The following ZNF407 variants were observed in gnomAD, a reference collection of about 807,000 sequenced individuals.
ZNF407 encodes the protein zinc finger protein 407.
In ZNF407, 17 loss-of-function variants were observed where a neutral mutation model predicts 131.2. The observed-to-expected ratio is 0.13, with a 90% CI of 0.09 to 0.19. The LOEUF (loss-of-function observed/expected upper bound fraction) is 0.19. Ranked by LOEUF, ZNF407 falls within the 10% of genes least tolerant of loss-of-function variation. The pLI is 1.00. For missense variants in ZNF407, 2,681 were observed against 2,830.6 expected (o/e 0.95, Z 1.20); for synonymous variants, 1,156 against 1,062.0 (o/e 1.09, Z -1.72).
rs559439095 is a variant in ZNF407 at position 74,910,981 on chromosome 18, C to T, written c.5250-9533C>T. Among the ~76,000 whole-genome samples the T allele has an allele frequency of 7.9e-5, 12 of 152,238 alleles. No individual in the cohort carries two copies. The East Asian group carries it at 1.7e-3, about 22-fold the overall frequency. On this transcript the variant is annotated intron_variant, in intron 7 of 8. Coordinates refer to ENST00000299687, the MANE Select transcript of ZNF407 (RefSeq NM_017757.3). Reference sequence around the variant, plus strand: ...CCTCATAGACCTGGTGCTGTCCATACTCCTGTGTAGAATTGTAATATGTGT... The same window carrying T: ...CCTCATAGACCTGGTGCTGTCCATATTCCTGTGTAGAATTGTAATATGTGT...
chr18:75,004,424 C>T (rs186415751), intron 8 of ZNF407, among the ~76,000 whole-genome samples: 100 of 152,266 alleles, frequency 6.6e-4, no homozygotes, highest in Non-Finnish European at 5.6e-4. Context: ...AGCACTGTTG[C>T]GGGGGAGACA....
intron 3 of ZNF407, among the ~76,000 whole-genome samples, chr18:74,656,050 A>G (rs1027967935): frequency 4.6e-5 from 7 of 152,110 alleles, no homozygotes; most frequent in Non-Finnish European, 8.8e-5. Flanking sequence ...TTGAAGACAA[A>G]TGAATTACTT....
At chr18:75,052,931 T>C (rs1488983942) in intron 8 of ZNF407, among the ~76,000 whole-genome samples, 1 of 152,256 alleles carries the variant, frequency 6.6e-6, no homozygotes, top group African/African-American at 2.4e-5. Flanking sequence ...AACAGGCTTT[T>C]AGTGAAAAGG....
intron 4 of ZNF407, among the ~76,000 whole-genome samples, chr18:74,865,881 TTTTA>T (rs1971003901): frequency 6.6e-6 from 1 of 152,134 alleles, no homozygotes; most frequent in South Asian, 2.1e-4. Context: ...TATTCTCTAG[TTTTA>T]TTTGTGTTTC....
chr18:74,723,811 T>C (rs1303197149), intron 3 of ZNF407, among the ~76,000 whole-genome samples: 1 of 152,060 alleles, frequency 6.6e-6, no homozygotes, highest in Non-Finnish European at 1.5e-5. Context: ...TTTGGATATA[T>C]TTGCATCATG....
intron 1 of ZNF407, among the ~76,000 whole-genome samples, chr18:74,623,057 TGA>T (rs1983610514): frequency 6.6e-6 from 1 of 151,844 alleles, no homozygotes; most frequent in Non-Finnish European, 1.5e-5. Context: ...TGAGTGCATG[TGA>T]GTGAAGATAT....
intron 4 of ZNF407, among the ~76,000 whole-genome samples, chr18:74,845,286 G>C (rs930572695): frequency 1.5e-4 from 23 of 152,162 alleles, no homozygotes; most frequent in African/African-American, 4.8e-4. Flanking sequence ...ATCAACCAGC[G>C]GTGTTTGGTG....
At chr18:74,920,075 A>G (rs892503272) in intron 7 of ZNF407, among the ~76,000 whole-genome samples, 1 of 152,202 alleles carries the variant, frequency 6.6e-6, no homozygotes, top group African/African-American at 2.4e-5. Context: ...GAGCCCACTT[A>G]GAAGCACCTT....
chr18:74,668,239 T>C (rs488044), intron 3 of ZNF407, among the ~76,000 whole-genome samples: 3,528 of 152,290 alleles, frequency 0.023, 148 homozygotes, highest in African/African-American at 0.08. Context: ...ATGTGTGAAG[T>C]TGGCTTCAGG....
At chr18:75,029,694 C>T (rs1276130771) in intron 8 of ZNF407, among the ~76,000 whole-genome samples, 1 of 152,206 alleles carries the variant, frequency 6.6e-6, no homozygotes, top group Non-Finnish European at 1.5e-5. Flanking sequence ...TTCTTCAGCT[C>T]GTGCAGGTGC....
intron 8 of ZNF407, among the ~76,000 whole-genome samples, chr18:75,044,029 A>C (rs1320577174): frequency 6.6e-6 from 1 of 152,188 alleles, no homozygotes; most frequent in Non-Finnish European, 1.5e-5. Flanking sequence ...TTCTGTAAAA[A>C]AGTACTGAGA....
At chr18:74,996,592 A>G (rs1972783337) in intron 8 of ZNF407, among the ~76,000 whole-genome samples, 1 of 152,234 alleles carries the variant, frequency 6.6e-6, no homozygotes, top group Admixed American at 6.5e-5. Flanking sequence ...TCAGAAAGTG[A>G]TTCTTCGAAT....
intron 4 of ZNF407, among the ~76,000 whole-genome samples, chr18:74,790,193 G>T (rs957404170): frequency 3.9e-5 from 6 of 152,092 alleles, no homozygotes; most frequent in Non-Finnish European, 5.9e-5. Context: ...ATGTTATTCA[G>T]TACCAGTTCA....
chr18:74,890,909 C>T (rs961464449), intron 7 of ZNF407, among the ~76,000 whole-genome samples: 2 of 152,106 alleles, frequency 1.3e-5, no homozygotes, highest in African/African-American at 2.4e-5. Flanking sequence ...GGGATGACAC[C>T]GTGTAGAATG....
intron 3 of ZNF407, among the ~76,000 whole-genome samples, chr18:74,710,507 C>A (rs1599088855): frequency 6.6e-6 from 1 of 152,148 alleles, no homozygotes; most frequent in Admixed American, 6.5e-5. Context: ...TAAGTTCTTC[C>A]CCCTAGCCTT....
At chr18:74,720,720 A>G (rs984752561) in intron 3 of ZNF407, among the ~76,000 whole-genome samples, 1 of 152,078 alleles carries the variant, frequency 6.6e-6, no homozygotes, top group Non-Finnish European at 1.5e-5. Context: ...CTGCAAATGA[A>G]TATCAGATAT....
intron 4 of ZNF407, among the ~76,000 whole-genome samples, chr18:74,876,847 A>G (rs1436306940): frequency 6.6e-6 from 1 of 152,224 alleles, no homozygotes; most frequent in Non-Finnish European, 1.5e-5. Context: ...GTGGTTGAGT[A>G]TGGATAGCAT....
intron 3 of ZNF407, among the ~76,000 whole-genome samples, chr18:74,696,056 G>A (rs931847007): frequency 1.3e-5 from 2 of 152,096 alleles, no homozygotes; most frequent in Non-Finnish European, 2.9e-5. Context: ...AGAGTGCTTC[G>A]GATTATGACT....
chr18:75,049,714 T>TAA (rs1402797991), intron 8 of ZNF407, among the ~76,000 whole-genome samples: 2 of 152,206 alleles, frequency 1.3e-5, no homozygotes, highest in African/African-American at 2.4e-5. Flanking sequence ...CCCTTCCACA[T>TAA]GATAGTCCTT....
Sources: allele counts gnomAD v4.1 joint callset (sites outside exome capture counted in the v4.1 genomes callset), GRCh38; gene constraint gnomAD v4.1.1; transcripts MANE v1.5; gene names NCBI Gene and HGNC (gene_info 2026-07-23, HGNC 2026-07-21).